The following SNTG1 variants were observed in gnomAD, a reference collection of about 807,000 sequenced individuals.
SNTG1 encodes the protein gamma-1-syntrophin.
SNTG1 carries 39 observed loss-of-function variants against 74.7 expected under a neutral mutation model. The observed-to-expected ratio is 0.52, with a 90% CI of 0.40 to 0.68. The LOEUF (loss-of-function observed/expected upper bound fraction) is 0.68. SNTG1 is among the 30% of genes least tolerant of loss of function. The pLI is 0.00. For missense variants in SNTG1, 685 were observed against 609.5 expected (o/e 1.12, Z -1.30); for synonymous variants, 254 against 217.1 (o/e 1.17, Z -1.49).
intron 17 of SNTG1, among the ~76,000 whole-genome samples, chr8:50,717,280 G>T (rs2095477364): frequency 6.6e-6 from 1 of 151,736 alleles, no homozygotes; most frequent in Non-Finnish European, 1.5e-5. Context: ...CTGGATTAAT[G>T]TTTTTATGAT....
At chr8:50,095,888 T>C (rs756553957) in intron 1 of SNTG1, among the ~76,000 whole-genome samples, 35 of 152,160 alleles carry the variant, frequency 2.3e-4, no homozygotes, top group Non-Finnish European at 4.3e-4. Context: ...AACATTTTTG[T>C]TGATAAACAA....
Position 50,479,313 on chromosome 8 carries a change from A to G in SNTG1, c.364-23465A>G, listed in dbSNP as rs532197702. Reference sequence around the variant, plus strand: ...AACTTGGGCATTGAGGGACTCTTGTAATTATCCAGCTTTCTGCCAAGAATT... The same window carrying G: ...AACTTGGGCATTGAGGGACTCTTGTGATTATCCAGCTTTCTGCCAAGAATT... On this transcript the variant is annotated intron_variant, in intron 8 of 18. Transcript: ENST00000642720. Among the ~76,000 whole-genome samples, 51 of 152,160 alleles carry G rather than the reference A, an allele frequency of 3.4e-4. No individual in the cohort carries two copies. The Middle Eastern group carries it at 0.01, about 30-fold the overall frequency.
rs79436206 is a variant in SNTG1 at position 50,246,044 on chromosome 8, G to T, written c.-28+73409G>T. Among the ~76,000 whole-genome samples the T allele has an allele frequency of 4.4e-3, 673 of 151,508 alleles. 5 individuals are homozygous for T. The highest frequency in any genetic ancestry group is 0.016 in the African/African-American group (645 of 41,254). Reference sequence around the variant, plus strand: ...TCTATTTTGTAATTAAAGAAAAACAGTGGAAAACATTAAATAATCCTTATT... The same window carrying T: ...TCTATTTTGTAATTAAAGAAAAACATTGGAAAACATTAAATAATCCTTATT... On this transcript the variant is annotated intron_variant, in intron 2 of 18. Transcript: ENST00000642720.
At chr8:50,305,051 G>T (rs1040857630) in intron 2 of SNTG1, among the ~76,000 whole-genome samples, 2 of 151,768 alleles carry the variant, frequency 1.3e-5, no homozygotes, top group Admixed American at 1.3e-4. Flanking sequence ...TACAGGTGCG[G>T]ACCACTACAG....
At chr8:50,000,720 T>C (rs536550809) in intron 1 of SNTG1, among the ~76,000 whole-genome samples, 1 of 152,322 alleles carries the variant, frequency 6.6e-6, no homozygotes, top group East Asian at 1.9e-4. Flanking sequence ...AATGTATCTG[T>C]GCTTTACAAA....
chr8:50,550,066 C>T (rs1196894681), intron 11 of SNTG1, among the ~76,000 whole-genome samples: 1 of 152,150 alleles, frequency 6.6e-6, no homozygotes, highest in African/African-American at 2.4e-5. Context: ...TAAGTTGCTT[C>T]ATCTTCACTC....
chr8:50,717,646 A>T (rs192073635), intron 17 of SNTG1, among the ~76,000 whole-genome samples: 35 of 152,326 alleles, frequency 2.3e-4, no homozygotes, highest in Admixed American at 7.2e-4. Flanking sequence ...CTCAGAACAC[A>T]TCAGGGAGTT....
At chr8:50,326,100 G>A (rs1374739668) in intron 2 of SNTG1, among the ~76,000 whole-genome samples, 1 of 151,934 alleles carries the variant, frequency 6.6e-6, no homozygotes, top group African/African-American at 2.4e-5. Context: ...GTGTATAGTT[G>A]TATACACTGT....
chr8:50,499,618 G>A (rs112424985), intron 8 of SNTG1, among the ~76,000 whole-genome samples: 31 of 151,338 alleles, frequency 2.0e-4, no homozygotes, highest in South Asian at 1.0e-3. Context: ...AACTTAGGTC[G>A]TTAAGGCCTT....
At chr8:50,101,266 G>C (rs1257193409) in intron 1 of SNTG1, among the ~76,000 whole-genome samples, 1 of 152,064 alleles carries the variant, frequency 6.6e-6, no homozygotes, top group Non-Finnish European at 1.5e-5. Context: ...TTTTATGGTA[G>C]AAAATTAATA....
intron 2 of SNTG1, among the ~76,000 whole-genome samples, chr8:50,335,630 A>T (rs2091114775): frequency 6.6e-6 from 1 of 151,882 alleles, no homozygotes; most frequent in African/African-American, 2.4e-5. Flanking sequence ...GCTCTCTCTC[A>T]TATCCTTAAC....
intron 2 of SNTG1, among the ~76,000 whole-genome samples, chr8:50,215,590 T>A (rs969658589): frequency 6.6e-6 from 1 of 151,154 alleles, no homozygotes; most frequent in Non-Finnish European, 1.5e-5. Flanking sequence ...TCAATTAGGT[T>A]TATAACAAAG....
At chr8:50,557,961 A>G (rs1240925438) in intron 12 of SNTG1, among the ~76,000 whole-genome samples, 1 of 152,122 alleles carries the variant, frequency 6.6e-6, no homozygotes, top group African/African-American at 2.4e-5. Flanking sequence ...AAATCGGGAT[A>G]TCGCCTCCTT....
intron 15 of SNTG1, among the ~76,000 whole-genome samples, chr8:50,690,722 C>T (rs202131738): frequency 6.6e-6 from 1 of 152,136 alleles, no homozygotes; most frequent in East Asian, 1.9e-4. Context: ...AATGTATATT[C>T]TGTTGATTTG....
chr8:50,004,250 G>A (rs1449388235), intron 1 of SNTG1, among the ~76,000 whole-genome samples: 2 of 152,040 alleles, frequency 1.3e-5, no homozygotes, highest in Non-Finnish European at 2.9e-5. Context: ...TCCGGCCCAG[G>A]GATGTTTAAC....
At chr8:50,455,781 A>G (rs2093499397) in intron 8 of SNTG1, among the ~76,000 whole-genome samples, 1 of 152,358 alleles carries the variant, frequency 6.6e-6, no homozygotes, top group African/African-American at 2.4e-5. Context: ...TTAGCATGTG[A>G]GTTGAGCACA....
chr8:50,394,871 T>A (rs1352466016), intron 3 of SNTG1, among the ~76,000 whole-genome samples: 1 of 151,016 alleles, frequency 6.6e-6, no homozygotes, highest in Admixed American at 6.6e-5. Context: ...TTACTAAATA[T>A]GTAACATTCA....
intron 13 of SNTG1, among the ~76,000 whole-genome samples, chr8:50,648,134 CAT>C (rs1298524084): frequency 1.3e-5 from 2 of 152,104 alleles, no homozygotes; most frequent in African/African-American, 2.4e-5. Context: ...AGAGAGCAAA[CAT>C]GTAGATATAT....
intron 1 of SNTG1, among the ~76,000 whole-genome samples, chr8:50,058,353 T>C (rs1820198658): frequency 6.6e-6 from 1 of 152,184 alleles, no homozygotes; most frequent in South Asian, 2.1e-4. Context: ...CAGTGGTTTC[T>C]AAATACACTC....
Sources: allele counts gnomAD v4.1 joint callset (sites outside exome capture counted in the v4.1 genomes callset), GRCh38; gene constraint gnomAD v4.1.1; transcripts MANE v1.5; gene names NCBI Gene and HGNC (gene_info 2026-07-23, HGNC 2026-07-21).